Variants in PVT1 observed in about 807,000 individuals in gnomAD.
The protein encoded by PVT1 is CXCR4/PVT1 fusion.
chr8:127,876,754 G>A (rs545347013), intron 2 of PVT1, among the ~76,000 whole-genome samples: 17 of 152,316 alleles, frequency 1.1e-4, no homozygotes, highest in African/African-American at 3.8e-4. Flanking sequence ...CCTGTCCTCC[G>A]TGGCGCTTGG....
At chr8:127,868,600 G>C (rs1815310785) in intron 2 of PVT1, among the ~76,000 whole-genome samples, 1 of 150,812 alleles carries the variant, frequency 6.6e-6, no homozygotes, top group Non-Finnish European at 1.5e-5. Context: ...ATGTTGGCCA[G>C]GCTGGTCTCC....
intron 3 of PVT1, among the ~76,000 whole-genome samples, chr8:127,977,293 A>G (rs1182683440): frequency 6.6e-6 from 1 of 152,104 alleles, no homozygotes. Flanking sequence ...CTGGGGGGAA[A>G]CTGAAGCTGG....
intron 2 of PVT1, among the ~76,000 whole-genome samples, chr8:127,857,873 G>A (rs1815178368): frequency 6.6e-6 from 1 of 152,222 alleles, no homozygotes; most frequent in Admixed American, 6.5e-5. Context: ...TCTTTTGTGA[G>A]TTGAAACCGT....
At chr8:127,943,868 T>G (rs1465025721) in intron 3 of PVT1, among the ~76,000 whole-genome samples, 1 of 152,158 alleles carries the variant, frequency 6.6e-6, no homozygotes, top group Non-Finnish European at 1.5e-5. Flanking sequence ...ATCCCCAATG[T>G]GGAAGATGAG....
chr8:127,880,015 C>G (rs1461951295), intron 2 of PVT1, among the ~76,000 whole-genome samples: 2 of 152,234 alleles, frequency 1.3e-5, no homozygotes, highest in Non-Finnish European at 2.9e-5. Flanking sequence ...TTCTTGTGTG[C>G]TGACGTACTG....
chr8:128,044,485 T>G (rs1051686096), intron 4 of PVT1, among the ~76,000 whole-genome samples: 1 of 152,192 alleles, frequency 6.6e-6, no homozygotes, highest in Non-Finnish European at 1.5e-5. Context: ...TAAAGTAACT[T>G]ACTCAAAATC....
chr8:127,957,822 A>C (rs1816589627), intron 3 of PVT1, among the ~76,000 whole-genome samples: 1 of 152,282 alleles, frequency 6.6e-6, no homozygotes, highest in African/African-American at 2.4e-5. Context: ...CACAAGGTGC[A>C]CACAGGCATG....
chr8:128,019,193 A>G (rs1586483861), intron 4 of PVT1, among the ~76,000 whole-genome samples: 1 of 152,350 alleles, frequency 6.6e-6, no homozygotes, highest in South Asian at 2.1e-4. Flanking sequence ...AGAACTCTGA[A>G]AATGAGGAAT....
At chr8:127,817,546 T>TATATATACAC (rs1280832628) in intron 2 of PVT1, among the ~76,000 whole-genome samples, 24 of 89,936 alleles carry the variant, frequency 2.7e-4, no homozygotes, top group South Asian at 7.5e-4. Context: ...TATATATATA[T>TATATATACAC]ACACACACAC....
intron 2 of PVT1, among the ~76,000 whole-genome samples, chr8:127,877,094 C>T (rs926309504): frequency 6.6e-6 from 1 of 152,146 alleles, no homozygotes; most frequent in African/African-American, 2.4e-5. Context: ...AGCAGAGTGG[C>T]GTGGTGGAAA....
At chr8:127,998,594 CTTTTT>C (rs904159326) in intron 4 of PVT1, among the ~76,000 whole-genome samples, 7 of 138,472 alleles carry the variant, frequency 5.1e-5, no homozygotes, top group Non-Finnish European at 9.3e-5. Context: ...CTTTTCTTTT[CTTTTT>C]TCTTTTCTTT....
intron 3 of PVT1, among the ~76,000 whole-genome samples, chr8:127,974,045 C>G (rs1388311135): frequency 6.6e-6 from 1 of 151,606 alleles, no homozygotes; most frequent in Non-Finnish European, 1.5e-5. Flanking sequence ...CTCAGCAGGG[C>G]TTTATATTTT....
chr8:128,090,327 C>T (rs185478765), intron 5 of PVT1, among the ~76,000 whole-genome samples: 22 of 152,272 alleles, frequency 1.4e-4, no homozygotes, highest in African/African-American at 3.6e-4. Flanking sequence ...CAAAAGACTG[C>T]GTGCCCAAAC....
At chr8:128,021,786 T>TA (rs2130055505) in intron 4 of PVT1, among the ~76,000 whole-genome samples, 1 of 152,354 alleles carries the variant, frequency 6.6e-6, no homozygotes, top group Non-Finnish European at 1.5e-5. Flanking sequence ...ATATGCCTAA[T>TA]ATGGCAGGGA....
At chr8:127,847,292 A>G (rs1179708678) in intron 2 of PVT1, among the ~76,000 whole-genome samples, 1 of 152,216 alleles carries the variant, frequency 6.6e-6, no homozygotes, top group Non-Finnish European at 1.5e-5. Flanking sequence ...ACAGATAAAA[A>G]ATACCAACGT....
intron 4 of PVT1, among the ~76,000 whole-genome samples, chr8:128,002,282 G>T (rs1181860268): frequency 2.6e-5 from 4 of 152,144 alleles, no homozygotes; most frequent in African/African-American, 9.7e-5. Flanking sequence ...CCATGGGCAT[G>T]ATCATTGTGA....
At chr8:127,948,200 G>A (rs972758083) in intron 3 of PVT1, 14 of 338,632 alleles carry the variant, frequency 4.1e-5, no homozygotes, top group African/African-American at 8.6e-5. Flanking sequence ...TGTGGATGGC[G>A]TGTAGTAGTG....
At chr8:127,938,320 C>T (rs551467070) in intron 3 of PVT1, among the ~76,000 whole-genome samples, 1 of 152,256 alleles carries the variant, frequency 6.6e-6, no homozygotes, top group Non-Finnish European at 1.5e-5. Flanking sequence ...CGAGGAAGCC[C>T]CATCCTGAGA....
chr8:127,998,265 T>C (rs1817129823), intron 4 of PVT1: 1 of 152,258 alleles, frequency 6.6e-6, no homozygotes, highest in Non-Finnish European at 1.5e-5. Flanking sequence ...TCTCCATGGC[T>C]AGAGGATCTA....
Sources: allele counts gnomAD v4.1 joint callset (sites outside exome capture counted in the v4.1 genomes callset), GRCh38; gene constraint gnomAD v4.1.1; transcripts MANE v1.5; gene names NCBI Gene and HGNC (gene_info 2026-07-23, HGNC 2026-07-21).